HS6ST2: variants seen among roughly 807,000 people sequenced by gnomAD.
HS6ST2 encodes the protein heparan sulfate 6-O-sulfotransferase 2, also known as heparan-sulfate 6-O-sulfotransferase 2.
Under a neutral mutation model 33.0 loss-of-function variants are expected in HS6ST2, and 17 were observed. That is an observed-to-expected ratio of 0.52 (90% CI 0.35 to 0.77). The LOEUF (loss-of-function observed/expected upper bound fraction) is 0.77, where lower values mean the gene tolerates loss of function less well. Ranked by LOEUF, HS6ST2 falls within the 30% of genes least tolerant of loss-of-function variation. The probability of loss-of-function intolerance (pLI) is 0.01; values close to 1 mark genes in which losing one functional copy is unlikely to be tolerated. For synonymous variants in HS6ST2, 248 were observed against 237.1 expected (o/e 1.05, Z -0.42); for missense variants, 519 against 551.7 (o/e 0.94, Z 0.59).
intron 2 of HS6ST2, among the ~76,000 whole-genome samples, chrX:132,730,532 G>A (rs1156532921): frequency 8.9e-6 from 1 of 111,760 alleles, no homozygotes; most frequent in Admixed American, 9.4e-5. Context: ...AGGGATTTTC[G>A]AAAAGCCAGG....
intron 2 of HS6ST2, among the ~76,000 whole-genome samples, chrX:132,945,209 C>T (rs1404154564): frequency 8.9e-6 from 1 of 112,220 alleles, no homozygotes; most frequent in Non-Finnish European, 1.9e-5. Flanking sequence ...TGAACAGGCA[C>T]TTCTTAAAAG....
At chrX:132,731,868 GGA>G (rs900856049) in intron 2 of HS6ST2, among the ~76,000 whole-genome samples, 1 of 108,376 alleles carries the variant, frequency 9.2e-6, no homozygotes, top group Non-Finnish European at 1.9e-5. Flanking sequence ...AAAAAAAAAA[GGA>G]AATTGGGGAA....
chrX:132,643,856 A>C (rs2063620518), intron 4 of HS6ST2, among the ~76,000 whole-genome samples: 1 of 111,902 alleles, frequency 8.9e-6, no homozygotes, highest in South Asian at 3.8e-4. Context: ...CAAATGCTAG[A>C]GGGCAGAACC....
At chrX:132,905,373 T>G (rs931738459) in intron 2 of HS6ST2, among the ~76,000 whole-genome samples, 3 of 112,495 alleles carry the variant, frequency 2.7e-5, no homozygotes, top group Non-Finnish European at 5.6e-5. Context: ...TTTTCACACC[T>G]AGATTTTTCA....
At chrX:132,933,912 G>GTATCTCATGTTAGCATGAGAC (rs1255488658) in intron 2 of HS6ST2, among the ~76,000 whole-genome samples, 4 of 110,915 alleles carry the variant, frequency 3.6e-5, no homozygotes, top group South Asian at 3.8e-4. Flanking sequence ...AGAAAACAAA[G>GTATCTCATGTTAGCATGAGAC]TATCTCATGT....
intron 2 of HS6ST2, among the ~76,000 whole-genome samples, chrX:132,748,909 G>A (rs1013563463): frequency 1.8e-5 from 2 of 111,786 alleles, no homozygotes; most frequent in Non-Finnish European, 3.8e-5. Flanking sequence ...GGTTACAAGC[G>A]TGGGCCACTG....
chrX:132,855,115 C>T (rs2065840862), intron 2 of HS6ST2, among the ~76,000 whole-genome samples: 1 of 112,094 alleles, frequency 8.9e-6, no homozygotes, highest in Non-Finnish European at 1.9e-5. Flanking sequence ...TCTTCCCACT[C>T]AGTGGATTGA....
chrX:132,683,481 A>C (rs763355058), intron 3 of HS6ST2, among the ~76,000 whole-genome samples: 2 of 112,072 alleles, frequency 1.8e-5, no homozygotes, highest in Non-Finnish European at 1.9e-5. Flanking sequence ...CAAGTAAGAC[A>C]CCAAGTAAAA....
At chrX:132,894,301 C>T (rs768174969) in intron 2 of HS6ST2, among the ~76,000 whole-genome samples, 9 of 107,583 alleles carry the variant, frequency 8.4e-5, no homozygotes, top group African/African-American at 2.4e-4. Flanking sequence ...CCACCACGCC[C>T]GGCTGATTTT....
In HS6ST2 at chrX:132,839,844, C is replaced by T. The variant is rs2065691687; in HGVS notation, c.947+116964G>A. Among the ~76,000 whole-genome samples, 7 of 111,013 alleles carry T rather than the reference C, an allele frequency of 6.3e-5. No individual in the cohort carries two copies. In the South Asian group the frequency reaches 2.8e-3, roughly 44 times the overall value. On this transcript the variant is annotated intron_variant, in intron 2 of 4. Transcript: ENST00000370833. ...TCAAATTAGAACCTCTGGCCGGGCA[C>T]GGTGGTTCATGTCTGTGATCCCAAC...
intron 2 of HS6ST2, among the ~76,000 whole-genome samples, chrX:132,796,806 G>A (rs2065184623): frequency 8.9e-6 from 1 of 112,112 alleles, no homozygotes; most frequent in South Asian, 3.7e-4. Flanking sequence ...TCCCTGAAAG[G>A]GACAAGACAT....
intron 2 of HS6ST2, among the ~76,000 whole-genome samples, chrX:132,824,778 C>T (rs1286781805): frequency 8.9e-6 from 1 of 112,597 alleles, no homozygotes; most frequent in Admixed American, 9.4e-5. Context: ...AAAAGATTTA[C>T]TGCATTAAAA....
intron 2 of HS6ST2, among the ~76,000 whole-genome samples, chrX:132,729,600 T>C (rs1174866207): frequency 8.9e-6 from 1 of 112,051 alleles, no homozygotes; most frequent in East Asian, 2.8e-4. Context: ...TGAGAATCCA[T>C]GTATCATCTA....
chrX:132,652,415 A>C (rs767412952), intron 4 of HS6ST2, among the ~76,000 whole-genome samples: 1 of 111,880 alleles, frequency 8.9e-6, no homozygotes, highest in South Asian at 3.8e-4. Flanking sequence ...TACATATATA[A>C]TAGAGAGAGT....
chrX:132,910,505 C>A (rs748603546), intron 2 of HS6ST2, among the ~76,000 whole-genome samples: 9 of 111,954 alleles, frequency 8.0e-5, no homozygotes, highest in Non-Finnish European at 1.5e-4. Context: ...GCATGATTTT[C>A]TTTAAGTCAC....
intron 4 of HS6ST2, among the ~76,000 whole-genome samples, chrX:132,631,136 C>T (rs949602007): frequency 2.7e-5 from 3 of 111,964 alleles, no homozygotes; most frequent in African/African-American, 9.7e-5. Flanking sequence ...ACTTCTTTAA[C>T]TGCTTACTTG....
At chrX:132,801,820 C>A (rs774143886) in intron 2 of HS6ST2, among the ~76,000 whole-genome samples, 95 of 112,419 alleles carry the variant, frequency 8.5e-4, no homozygotes, top group African/African-American at 2.7e-3. Context: ...ATGAAACCAT[C>A]TTCCCAAGTA....
chrX:132,815,526 G>A (rs1206424268), intron 2 of HS6ST2, among the ~76,000 whole-genome samples: 1 of 112,029 alleles, frequency 8.9e-6, no homozygotes, highest in Non-Finnish European at 1.9e-5. Flanking sequence ...CTATGCTCCA[G>A]AAGTTTGTAT....
At chrX:132,640,730 TTTATACTGA>T (rs1164939031) in intron 4 of HS6ST2, among the ~76,000 whole-genome samples, 1 of 111,955 alleles carries the variant, frequency 8.9e-6, no homozygotes, top group African/African-American at 3.2e-5. Context: ...TTAATTATTA[TTTATACTGA>T]TTATATGTTG....
Sources: gnomAD v4.1 joint callset for allele counts (sites outside exome capture counted in the v4.1 genomes callset) on GRCh38, gnomAD v4.1.1 for gene constraint, MANE v1.5 for transcripts, NCBI Gene and HGNC (gene_info 2026-07-23, HGNC 2026-07-21) for gene names.